Variants in NRXN3 observed in about 807,000 individuals in gnomAD.
NRXN3 encodes the protein neurexin 3.
A neutral mutation model predicts 137.6 loss-of-function variants in NRXN3; 32 were observed. The observed-to-expected ratio is 0.23, with a 90% CI of 0.18 to 0.31. NRXN3 has a LOEUF of 0.31. NRXN3 is among the 10% of genes least tolerant of loss of function. The pLI is 1.00. For missense variants in NRXN3, 1,574 were observed against 2,062.5 expected (o/e 0.76, Z 4.59); for synonymous variants, 798 against 784.5 (o/e 1.02, Z -0.29).
intron 8 of NRXN3, among the ~76,000 whole-genome samples, chr14:78,756,125 A>T (rs914157230): frequency 1.3e-5 from 2 of 152,156 alleles, no homozygotes; most frequent in African/African-American, 4.8e-5. Context: ...TCCCTAGACA[A>T]TGTTTATGTA....
chr14:79,174,571 G>T (rs1299250378), intron 15 of NRXN3, among the ~76,000 whole-genome samples: 1 of 144,078 alleles, frequency 6.9e-6, no homozygotes, highest in Non-Finnish European at 1.5e-5. Flanking sequence ...GACTCTCATA[G>T]AAATAAAAAT....
intron 19 of NRXN3, among the ~76,000 whole-genome samples, chr14:79,707,494 T>C (rs988627059): frequency 7.4e-6 from 1 of 136,048 alleles, no homozygotes; most frequent in African/African-American, 2.6e-5. Context: ...TTTGTGGAGC[T>C]ATGTTTTTTT....
chr14:78,651,030 A>G, intron 5 of NRXN3, 135 bp from the exon 6 acceptor site: 1 of 897,138 alleles, frequency 1.1e-6, no homozygotes, highest in Non-Finnish European at 1.6e-6. Flanking sequence ...ACATACCAAA[A>G]TCAAATCAAA....
At chr14:78,299,466 CT>C (rs2076665216) in intron 4 of NRXN3, among the ~76,000 whole-genome samples, 1 of 6,222 alleles carries the variant, frequency 1.6e-4, no homozygotes, top group African/African-American at 3.6e-3. Context: ...TAAGCCCCTC[CT>C]ACATTCTTTT....
At chr14:78,463,484 CGT>C (rs2094990360) in intron 4 of NRXN3, among the ~76,000 whole-genome samples, 1 of 151,476 alleles carries the variant, frequency 6.6e-6, no homozygotes, top group Non-Finnish European at 1.5e-5. Context: ...TACTATTTTC[CGT>C]AGAGGTTGTA....
At chr14:78,364,944 A>G (rs2085689286) in intron 4 of NRXN3, among the ~76,000 whole-genome samples, 1 of 152,320 alleles carries the variant, frequency 6.6e-6, no homozygotes, top group East Asian at 1.9e-4. Context: ...CAAGAAGACC[A>G]TTTGAAATAT....
chr14:78,659,634 G>T (rs1332813398), intron 6 of NRXN3, among the ~76,000 whole-genome samples: 1 of 151,526 alleles, frequency 6.6e-6, no homozygotes, highest in Non-Finnish European at 1.5e-5. Flanking sequence ...GAGCCAAGAT[G>T]GTGCCACTGC....
chr14:78,377,588 G>C (rs8005755), intron 4 of NRXN3, among the ~76,000 whole-genome samples: 68,479 of 152,160 alleles, frequency 0.45, 15,577 homozygotes, highest in Middle Eastern at 0.59. Context: ...CTTAAACAAT[G>C]TAAATTTATT....
At chr14:79,367,205 G>T (rs764804755) in intron 15 of NRXN3, among the ~76,000 whole-genome samples, 1 of 151,964 alleles carries the variant, frequency 6.6e-6, no homozygotes, top group Non-Finnish European at 1.5e-5. Context: ...GGATGGTCTC[G>T]ATCTCCTGAC....
At chr14:78,758,928 CATCTCCTTT>C in intron 8 of NRXN3, among the ~76,000 whole-genome samples, 1 of 152,166 alleles carries the variant, frequency 6.6e-6, no homozygotes, top group African/African-American at 2.4e-5. Flanking sequence ...TATTTAGTTT[CATCTCCTTT>C]CATTTTGTTC....
chr14:79,722,667 C>T (rs1237938152), intron 19 of NRXN3, among the ~76,000 whole-genome samples: 5 of 152,112 alleles, frequency 3.3e-5, no homozygotes, highest in African/African-American at 1.2e-4. Flanking sequence ...TGTGTTTCCA[C>T]AGTAAATGGA....
intron 16 of NRXN3, among the ~76,000 whole-genome samples, chr14:79,624,458 T>A (rs2098259781): frequency 6.6e-6 from 1 of 151,772 alleles, no homozygotes; most frequent in Non-Finnish European, 1.5e-5. Flanking sequence ...TATATATGTA[T>A]ACATAGTGAA....
At chr14:78,696,981 T>TGTTCCCA (rs1195869552) in intron 6 of NRXN3, among the ~76,000 whole-genome samples, 3 of 152,092 alleles carry the variant, frequency 2.0e-5, no homozygotes, top group African/African-American at 7.2e-5. Context: ...TGGGAGCCAC[T>TGTTCCCA]GTTCCCAGTT....
intron 4 of NRXN3, among the ~76,000 whole-genome samples, chr14:78,459,329 G>A (rs2094848986): frequency 6.6e-6 from 1 of 152,198 alleles, no homozygotes; most frequent in Non-Finnish European, 1.5e-5. Context: ...CTGCCTGGCT[G>A]TCTATCTCAT....
At chr14:78,263,327 C>T (rs1353798577) in intron 2 of NRXN3, among the ~76,000 whole-genome samples, 2 of 152,008 alleles carry the variant, frequency 1.3e-5, no homozygotes, top group African/African-American at 4.8e-5. Context: ...TTATTCTGAT[C>T]ATTTATCAGA....
At chr14:78,496,263 TG>T (rs1225155741) in intron 4 of NRXN3, among the ~76,000 whole-genome samples, 1 of 152,116 alleles carries the variant, frequency 6.6e-6, no homozygotes, top group Non-Finnish European at 1.5e-5. Context: ...TAGTTGACAT[TG>T]GGGGAAAAAA....
chr14:79,224,056 G>A (rs191886216), intron 15 of NRXN3, among the ~76,000 whole-genome samples: 14 of 152,180 alleles, frequency 9.2e-5, no homozygotes, highest in South Asian at 4.2e-4. Flanking sequence ...AACTTAGAGC[G>A]GACACATAGG....
chr14:79,354,452 C>T (rs1243192332), intron 15 of NRXN3, among the ~76,000 whole-genome samples: 3 of 152,096 alleles, frequency 2.0e-5, no homozygotes, highest in African/African-American at 4.8e-5. Flanking sequence ...AATTTTTAGT[C>T]CATGAAACCT....
rs1160867331 is a variant in NRXN3, at chr14:79,007,805, CAAAAAAA to C, written c.3262+19681_3262+19687del. ...TGGATGACAGAGCTAGACTCCATCT[CAAAAAAA>C]AAAAAAAAAAAAAAAAGCAGAAAAA... On this transcript the variant is annotated intron_variant, in intron 15 of 20. Coordinates refer to ENST00000335750, the MANE Select transcript of NRXN3 (RefSeq NM_001330195.2). Among the ~76,000 whole-genome samples the C allele has an allele frequency of 1.5e-3, 56 of 38,016 alleles. No homozygotes were observed. In the South Asian group the frequency reaches 0.033, roughly 22 times the overall value. 24.9% of individuals were successfully genotyped at this position (38,016 alleles called of 152,430 possible).
Sources: allele counts gnomAD v4.1 joint callset (sites outside exome capture counted in the v4.1 genomes callset), GRCh38; gene constraint gnomAD v4.1.1; transcripts MANE v1.5; gene names NCBI Gene and HGNC (gene_info 2026-07-23, HGNC 2026-07-21).